Variants in ADIPOR1 observed in about 807,000 individuals in gnomAD.
ADIPOR1 encodes adiponectin receptor 1.
ADIPOR1 carries 15 observed loss-of-function variants against 37.5 expected under a neutral mutation model. That is an observed-to-expected ratio of 0.40 (90% CI 0.27 to 0.62). The LOEUF is 0.62. ADIPOR1 is among the 20% of genes least tolerant of loss of function. ADIPOR1 has a pLI of 0.42. For missense variants in ADIPOR1, 286 were observed against 478.0 expected (o/e 0.60, Z 3.75); for synonymous variants, 173 against 173.2 (o/e 1.00, Z 0.01).
At chr1:202,956,352 T>C (rs1654782310) in intron 1 of ADIPOR1, among the ~76,000 whole-genome samples, 1 of 152,210 alleles carries the variant, frequency 6.6e-6, no homozygotes, top group Non-Finnish European at 1.5e-5. Context: ...GGAAATTTCC[T>C]ATGGGAATAG....
At chr1:202,956,009 C>A (rs1654769773) in intron 1 of ADIPOR1, among the ~76,000 whole-genome samples, 1 of 152,228 alleles carries the variant, frequency 6.6e-6, no homozygotes, top group Admixed American at 6.5e-5. Flanking sequence ...CTCCTGACCT[C>A]AGGTGATCCA....
chr1:202,949,999 G>A (rs1571566633), intron 2 of ADIPOR1, among the ~76,000 whole-genome samples: 1 of 151,948 alleles, frequency 6.6e-6, no homozygotes, highest in African/African-American at 2.4e-5. Context: ...GGTTTCACTC[G>A]TTGCCCAGGC....
In ADIPOR1 at chr1:202,949,593, A is replaced by AAAAAAAC. The variant is rs1332418254; in HGVS notation, c.142-1174_142-1173insGTTTTTT. ...GACTCTGTCTCCAAAAAAAAAAAAA[A>AAAAAAAC]AAAACACACCCAGGAGAGCACTTGC... On this transcript the variant is annotated intron_variant, in intron 2 of 7. Transcript: ENST00000340990. 1.2e-3 allele frequency among the ~76,000 whole-genome samples: 168 copies of AAAAAAAC among 138,392 alleles called. 6 individuals carry two copies. In the South Asian group the frequency reaches 0.013, roughly 10 times the overall value. The allele number at this position is 138,392 out of a possible 152,430, so 90.8% of individuals were successfully genotyped here.
chr1:202,947,417 G>T (rs1265636328), intron 3 of ADIPOR1, among the ~76,000 whole-genome samples: 1 of 152,138 alleles, frequency 6.6e-6, no homozygotes, highest in African/African-American at 2.4e-5. Flanking sequence ...AGCTACTCGG[G>T]AGGCTGAGGC....
intron 6 of ADIPOR1, among the ~76,000 whole-genome samples, chr1:202,942,935 G>A (rs1654157402): frequency 6.9e-6 from 1 of 145,918 alleles, no homozygotes; most frequent in Non-Finnish European, 1.5e-5. Flanking sequence ...GCGTGATCTT[G>A]GCTCACTACA....
At chr1:202,957,660 C>T (rs1397642488) in intron 1 of ADIPOR1, among the ~76,000 whole-genome samples, 2 of 152,206 alleles carry the variant, frequency 1.3e-5, no homozygotes, top group African/African-American at 2.4e-5. Flanking sequence ...ACCAACCTCC[C>T]TTCCCACCCC....
chr1:202,945,819 G>A (rs1654286146), intron 4 of ADIPOR1, among the ~76,000 whole-genome samples: 1 of 152,210 alleles, frequency 6.6e-6, no homozygotes, highest in South Asian at 2.1e-4. Flanking sequence ...CTATGAGTAC[G>A]CAAAGGCATA....
At chr1:202,945,245 T>C in intron 4 of ADIPOR1, 76 bp from the exon 5 acceptor site, 3 of 1,326,290 alleles carry the variant, frequency 2.3e-6, no homozygotes, top group Non-Finnish European at 3.0e-6. Flanking sequence ...TGTTTTTGAA[T>C]CAGAGAGCTA....
At chr1:202,948,068 C>T (rs567481039) in intron 3 of ADIPOR1, among the ~76,000 whole-genome samples, 3 of 152,324 alleles carry the variant, frequency 2.0e-5, no homozygotes, top group South Asian at 2.1e-4. Flanking sequence ...CTTCCAAAGG[C>T]GCCCCTTGCA....
At chr1:202,949,687 C>G (rs1334850790) in intron 2 of ADIPOR1, among the ~76,000 whole-genome samples, 1 of 151,812 alleles carries the variant, frequency 6.6e-6, no homozygotes, top group Non-Finnish European at 1.5e-5. Flanking sequence ...GAAAGCCTGG[C>G]AGTTCAACTC....
In ADIPOR1 at chr1:202,941,705, T is replaced by G. The variant is rs1303306359; in HGVS notation, c.1000-4A>C. On this transcript the variant is annotated splice_region_variant and splice_polypyrimidine_tract_variant and intron_variant, in intron 7 of 7. Transcript: ENST00000340990. ...GGAAAATCTGATGAGACTGGAACTG[T>G]AGGAATAAAAAGAAAAGAGCCTTTA... is the stretch of plus-strand genomic sequence containing the variant. 1 of 1,607,676 alleles carries G rather than the reference T, an allele frequency of 6.2e-7. No individual in the cohort carries two copies. Among genetic ancestry groups the G allele is most frequent in the South Asian group, 1.1e-5 (1 of 89,668 alleles).
chr1:202,948,219 G>C (rs34010966), intron 3 of ADIPOR1, 85 bp downstream of exon 3: 49,444 of 1,101,718 alleles, frequency 0.045, 1,461 homozygotes, highest in East Asian at 0.12. Flanking sequence ...AAAGCTCTTC[G>C]ACCCAGTGCA....
chr1:202,942,736 C>T (rs1654146383), intron 6 of ADIPOR1, among the ~76,000 whole-genome samples: 1 of 152,210 alleles, frequency 6.6e-6, no homozygotes, highest in Non-Finnish European at 1.5e-5. Flanking sequence ...CTCATCATTA[C>T]ACTACACATA....
chr1:202,945,749 G>A lies in ADIPOR1; in HGVS notation c.431-580C>T, dbSNP rs138942386. Among the ~76,000 whole-genome samples, 498 of 152,298 alleles carry A rather than the reference G, an allele frequency of 3.3e-3. 4 individuals carry two copies. The highest frequency in any genetic ancestry group is 0.011 in the African/African-American group (445 of 41,542). The stretch of plus-strand genomic sequence containing the variant: ...GCTGAAGGCCACTATTCTAAGTGAA[G>A]TAACTTAGGAATGAAAAATCAAATA... On this transcript the variant is annotated intron_variant, in intron 4 of 7. Transcript: ENST00000340990.
At chr1:202,941,921 C>G in intron 7 of ADIPOR1, 104 bp downstream of exon 7, 2 of 1,298,840 alleles carry the variant, frequency 1.5e-6, no homozygotes, top group East Asian at 4.7e-5. Context: ...ATATGTACCT[C>G]CAAACACTAT....
rs746657829 is a variant in ADIPOR1, at chr1:202,948,290, C to A, written c.258+14G>T. On this transcript the variant is annotated intron_variant, in intron 3 of 7. Coordinates refer to ENST00000340990, the MANE Select transcript of ADIPOR1 (RefSeq NM_015999.6). ...TGCCCTTCCCCTTCCAGGACAGAAG[C>A]TCATAGGCCATACCTTGTACACAAA... 3 of 1,587,666 alleles carry A rather than the reference C, an allele frequency of 1.9e-6. No homozygotes were observed. In the East Asian group the frequency reaches 6.8e-5, roughly 36 times the overall value.
At position 202,942,093 on chromosome 1, in the gene ADIPOR1, T is replaced by G; in HGVS notation, c.931A>C (p.Ile311Leu). 1 of 1,614,160 alleles carries G rather than the reference T, an allele frequency of 6.2e-7. No homozygotes were observed. The highest frequency in any genetic ancestry group is 8.5e-7 in the Non-Finnish European group (1 of 1,180,034). ...GWFFLMAVMY[I>L]TGAGLYAARI... Reference sequence around the variant, plus strand: ...GCAGCATAAAGGCCAGCTCCAGTGATGTACATCACAGCCATGAGGAAGAAC... The same window carrying G: ...GCAGCATAAAGGCCAGCTCCAGTGAGGTACATCACAGCCATGAGGAAGAAC... The change falls in exon 7 of 8, where the codon ATC becomes CTC. Residue 311 changes from isoleucine to leucine, a missense_variant. Physicochemically the swap from Ile to Leu is conservative, Grantham distance 5. Transcript: ENST00000340990.
rs1362237684 is a variant in ADIPOR1 at position 202,950,131 on chromosome 1, T to A, written c.141+799A>T. On this transcript the variant is annotated intron_variant, in intron 2 of 7. Coordinates refer to ENST00000340990, the MANE Select transcript of ADIPOR1 (RefSeq NM_015999.6). ...GCGACTGCCACCACACCCAGCTAATTTTTGTGTTTTTAGTAGAGAGGGGGC... is the reference window on the plus strand; with the variant it reads ...GCGACTGCCACCACACCCAGCTAATATTTGTGTTTTTAGTAGAGAGGGGGC... Among the ~76,000 whole-genome samples, 4 of 151,890 alleles carry A rather than the reference T, an allele frequency of 2.6e-5. No homozygotes were observed. In the East Asian group the frequency reaches 7.9e-4, roughly 30 times the overall value.
Position 202,941,481 on chromosome 1 carries a change from C to T in ADIPOR1, c.*92G>A. ...TTCTCTAAGAGGTTTCTTCTAGAAACAGACAACTCAGACTCTTCCTCTCAC... is the reference window on the plus strand; with the variant it reads ...TTCTCTAAGAGGTTTCTTCTAGAAATAGACAACTCAGACTCTTCCTCTCAC... On this transcript the variant is annotated 3_prime_UTR_variant, in exon 8 of 8. Coordinates refer to ENST00000340990, the MANE Select transcript of ADIPOR1 (RefSeq NM_015999.6). The T allele has an allele frequency of 6.8e-7, 1 of 1,466,070 alleles. No individual in the cohort carries two copies. The highest frequency in any genetic ancestry group is 1.4e-5 in the South Asian group (1 of 69,574). The allele number at this position is 1,466,070 out of a possible 1,614,324, so 90.8% of individuals were successfully genotyped here.
Sources: allele counts gnomAD v4.1 joint callset (sites outside exome capture counted in the v4.1 genomes callset), GRCh38; gene constraint gnomAD v4.1.1; transcripts MANE v1.5; gene names NCBI Gene and HGNC (gene_info 2026-07-23, HGNC 2026-07-21).